CCDC171: variants seen among roughly 807,000 people sequenced by gnomAD.
CCDC171 encodes coiled-coil domain containing 171, also known as coiled-coil domain-containing protein 171.
In CCDC171, 177 loss-of-function variants were observed where a neutral mutation model predicts 168.2. The observed-to-expected ratio is 1.05, with a 90% CI of 0.93 to 1.19. The LOEUF is 1.19. Ranked by LOEUF, CCDC171 falls within the 50% of genes most tolerant of loss-of-function variation. CCDC171 has a pLI of 0.00. For synonymous variants in CCDC171, 687 were observed against 540.8 expected (o/e 1.27, Z -3.75); for missense variants, 1,991 against 1,539.0 (o/e 1.29, Z -4.91).
the CCDC171 span, among the ~76,000 whole-genome samples, chr9:16,075,662 A>T: frequency 6.6e-6 from 1 of 152,184 alleles, no homozygotes; most frequent in African/African-American, 2.4e-5. Context: ...ATGATAGCCC[A>T]TCACCCCAAT....
intron 21 of CCDC171, among the ~76,000 whole-genome samples, chr9:15,801,080 A>T (rs967448692): frequency 2.0e-5 from 3 of 151,626 alleles, no homozygotes; most frequent in Non-Finnish European, 4.4e-5. Flanking sequence ...CTCAGGATAG[A>T]TTTGGCTATT....
chr9:15,792,483 A>G (rs962173347), intron 21 of CCDC171, among the ~76,000 whole-genome samples: 1,862 of 152,202 alleles, frequency 0.012, 36 homozygotes, highest in African/African-American at 0.043. Context: ...CGCCACAAAG[A>G]TACTCCTTGA....
intron 3 of CCDC171, among the ~76,000 whole-genome samples, chr9:16,010,441 C>A (rs941478256): frequency 6.6e-6 from 1 of 152,044 alleles, no homozygotes; most frequent in Non-Finnish European, 1.5e-5. Flanking sequence ...AAGCAGGCAG[C>A]AAGGGCCTGT....
chr9:16,096,296 A>G, the CCDC171 span, among the ~76,000 whole-genome samples: 3 of 152,190 alleles, frequency 2.0e-5, no homozygotes, highest in African/African-American at 7.2e-5. Context: ...TGGAACAAGG[A>G]TTGAAAACAC....
intron 7 of CCDC171, among the ~76,000 whole-genome samples, chr9:15,651,859 C>G (rs1189255324): frequency 1.3e-5 from 2 of 151,916 alleles, no homozygotes; most frequent in Non-Finnish European, 2.9e-5. Flanking sequence ...TTTATTTATG[C>G]TTGTGCTTTT....
chr9:15,751,100 C>CA (rs1285962749), intron 18 of CCDC171, among the ~76,000 whole-genome samples: 4 of 152,136 alleles, frequency 2.6e-5, no homozygotes, highest in Non-Finnish European at 4.4e-5. Flanking sequence ...AATCAATGTG[C>CA]AAAAATCACA....
intron 19 of CCDC171, among the ~76,000 whole-genome samples, chr9:15,778,636 A>ACT (rs1461418509): frequency 1.8e-5 from 2 of 111,234 alleles, no homozygotes; most frequent in South Asian, 3.7e-4. Flanking sequence ...ACAGAGTAAG[A>ACT]CTGTCTCAAA....
intron 3 of CCDC171, among the ~76,000 whole-genome samples, chr9:15,988,787 C>T (rs923056998): frequency 9.2e-5 from 14 of 152,220 alleles, no homozygotes; most frequent in African/African-American, 2.7e-4. Context: ...TTATATCCCG[C>T]GCCTGGCTCG....
chr9:15,899,587 T>C (rs1821361195), intron 24 of CCDC171, among the ~76,000 whole-genome samples: 2 of 152,210 alleles, frequency 1.3e-5, no homozygotes, highest in Non-Finnish European at 2.9e-5. Flanking sequence ...TAGTGCTTAG[T>C]GATTTTTGAA....
intron 1 of CCDC171, among the ~76,000 whole-genome samples, chr9:16,056,127 T>C (rs945531801): frequency 2.7e-4 from 41 of 152,376 alleles, no homozygotes; most frequent in Admixed American, 5.9e-4. Flanking sequence ...ACCCAAACAT[T>C]ATAAATAATC....
At chr9:15,686,990 A>C (rs910757739) in intron 10 of CCDC171, among the ~76,000 whole-genome samples, 1 of 152,224 alleles carries the variant, frequency 6.6e-6, no homozygotes. Context: ...ATTCTTGTGG[A>C]TAGATCATAT....
At chr9:16,093,806 C>T in the CCDC171 span, among the ~76,000 whole-genome samples, 1 of 152,136 alleles carries the variant, frequency 6.6e-6, no homozygotes, top group African/African-American at 2.4e-5. Flanking sequence ...CTCTAGCAGT[C>T]GGCACATAGA....
intron 2 of CCDC171, 79 bp from the exon 3 acceptor site, chr9:15,571,545 A>C: frequency 8.3e-7 from 1 of 1,207,156 alleles, no homozygotes; most frequent in Non-Finnish European, 1.1e-6. Flanking sequence ...TTGAAAAATA[A>C]GTTATCAAAA....
At chr9:15,650,295 T>C (rs865942651) in intron 7 of CCDC171, among the ~76,000 whole-genome samples, 28 of 152,046 alleles carry the variant, frequency 1.8e-4, no homozygotes, top group African/African-American at 6.8e-4. Context: ...ATATACCTAA[T>C]GTAAATGATG....
chr9:15,898,602 CTTGT>C (rs759855831), intron 24 of CCDC171, among the ~76,000 whole-genome samples: 15 of 152,200 alleles, frequency 9.9e-5, no homozygotes, highest in Admixed American at 2.6e-4. Flanking sequence ...TTATTCTCTT[CTTGT>C]TTATTTGTTT....
At chr9:16,093,505 A>G in the CCDC171 span, among the ~76,000 whole-genome samples, 3 of 152,372 alleles carry the variant, frequency 2.0e-5, no homozygotes, top group East Asian at 1.9e-4. Flanking sequence ...GAAATATTCT[A>G]GTCTAGTCTG....
intron 12 of CCDC171, among the ~76,000 whole-genome samples, chr9:15,722,836 T>C (rs371912020): frequency 6.6e-6 from 1 of 152,194 alleles, no homozygotes; most frequent in African/African-American, 2.4e-5. Context: ...TAAATTTCTA[T>C]GAGGAACAAA....
Position 15,784,691 on chromosome 9 carries a change from T to C in CCDC171, c.3264T>C (p.Val1088=). 1 of 1,609,998 alleles carries C rather than the reference T, an allele frequency of 6.2e-7. No homozygotes were observed. The highest frequency in any genetic ancestry group is 1.3e-5 in the African/African-American group (1 of 74,888). The change falls in exon 21 of 26, where the codon GTT becomes GTC. Residue 1088 remains valine (V), a synonymous_variant. Transcript: ENST00000380701. ...ADKNQTLGEA[V]KSLSEAKMEL... ...AAAACCAAACTCTTGGAGAAGCTGT[T>C]AAGGTAAGAGAATAAAGGGATATTT...
intron 6 of CCDC171, among the ~76,000 whole-genome samples, chr9:16,033,878 C>T (rs1833412966): frequency 6.6e-6 from 1 of 152,136 alleles, no homozygotes; most frequent in South Asian, 2.1e-4. Flanking sequence ...TGGCAGGGCC[C>T]CAAGGGCAGG....
Sources: gnomAD v4.1 joint callset for allele counts (sites outside exome capture counted in the v4.1 genomes callset) on GRCh38, gnomAD v4.1.1 for gene constraint, MANE v1.5 for transcripts, NCBI Gene and HGNC (gene_info 2026-07-23, HGNC 2026-07-21) for gene names.